Variants in DNMBP observed in about 807,000 individuals in gnomAD.
DNMBP encodes the protein dynamin binding protein.
A neutral mutation model predicts 150.0 loss-of-function variants in DNMBP; 87 were observed. The observed-to-expected ratio is 0.58, with a 90% CI of 0.49 to 0.69. The LOEUF (loss-of-function observed/expected upper bound fraction) is 0.69, where lower values mean the gene tolerates loss of function less well. Among genes scored for constraint, DNMBP ranks in the 30% least tolerant of loss-of-function variants. The pLI is 0.00. For missense variants in DNMBP, 1,774 were observed against 1,949.0 expected (o/e 0.91, Z 1.69); for synonymous variants, 711 against 750.4 (o/e 0.95, Z 0.86).
rs961627979 is a variant in DNMBP, at chr10:99,898,187, G to A, written c.2819C>T (p.Thr940Ile). The stretch of plus-strand genomic sequence containing the variant: ...CACTTTATCTGGGTGGGATTCTGGG[G>A]TGGAATTCAGCAACTCCATTAGCAA... Reference protein sequence around the residue: ...PLLLMELLNSTPESHPDKVPL... With the variant: ...PLLLMELLNSIPESHPDKVPL... Residue 940 changes from threonine (T) to isoleucine (I), a missense_variant, in exon 9 of 17, where the codon ACC (threonine) becomes ATC (isoleucine). Transcript: ENST00000324109. The A allele has an allele frequency of 6.2e-7, 1 of 1,613,950 alleles. No individual in the cohort carries two copies. Among genetic ancestry groups the A allele is most frequent in the African/African-American group, 1.3e-5 (1 of 74,998 alleles).
chr10:99,906,133 G>A (rs1359618785), intron 6 of DNMBP, among the ~76,000 whole-genome samples: 1 of 152,088 alleles, frequency 6.6e-6, no homozygotes, highest in Admixed American at 6.6e-5. Context: ...TCCCTTCAGG[G>A]GGCAGAACCC....
chr10:99,965,551 G>A (rs1304078189), intron 3 of DNMBP, among the ~76,000 whole-genome samples: 1 of 141,488 alleles, frequency 7.1e-6, no homozygotes, highest in Non-Finnish European at 1.5e-5. Flanking sequence ...AGGCTGGACT[G>A]CAGTGGCGCA....
chr10:99,887,061 C>T (rs2039478306), intron 12 of DNMBP, among the ~76,000 whole-genome samples: 1 of 151,946 alleles, frequency 6.6e-6, no homozygotes, highest in Non-Finnish European at 1.5e-5. Context: ...TTCATACACT[C>T]ATAAACCTTT....
chr10:99,943,769 T>C (rs1413819928), intron 4 of DNMBP, among the ~76,000 whole-genome samples: 1 of 152,190 alleles, frequency 6.6e-6, no homozygotes, highest in Non-Finnish European at 1.5e-5. Context: ...CTTCTGCATA[T>C]AAAACAGTTA....
intron 1 of DNMBP, among the ~76,000 whole-genome samples, chr10:100,006,731 C>T (rs2041076088): frequency 6.6e-6 from 1 of 151,964 alleles, no homozygotes; most frequent in African/African-American, 2.4e-5. Context: ...CTTGCCACCC[C>T]TAACATGCCA....
intron 4 of DNMBP, among the ~76,000 whole-genome samples, chr10:99,952,926 A>T (rs905045946): frequency 1.3e-5 from 2 of 151,750 alleles, no homozygotes; most frequent in African/African-American, 2.4e-5. Context: ...CTATTCCTAG[A>T]CCCCCTGGGT....
intron 1 of DNMBP, among the ~76,000 whole-genome samples, chr10:99,982,851 G>A (rs564944657): frequency 4.0e-4 from 61 of 152,134 alleles, no homozygotes; most frequent in Non-Finnish European, 7.1e-4. Context: ...ACTCAGGGCG[G>A]GGGTATGGGG....
chr10:99,978,526 C>T (rs1338973425), intron 1 of DNMBP, among the ~76,000 whole-genome samples: 2 of 152,160 alleles, frequency 1.3e-5, no homozygotes, highest in African/African-American at 4.8e-5. Context: ...ACATTTCCCA[C>T]CAAACTCTGA....
At chr10:99,966,323 GC>G (rs1425016084) in intron 3 of DNMBP, among the ~76,000 whole-genome samples, 1 of 152,150 alleles carries the variant, frequency 6.6e-6, no homozygotes, top group East Asian at 1.9e-4. Flanking sequence ...GTATCCCCCT[GC>G]CCACATCCTC....
At chr10:99,938,036 T>C (rs1166999463) in intron 4 of DNMBP, among the ~76,000 whole-genome samples, 1 of 152,234 alleles carries the variant, frequency 6.6e-6, no homozygotes, top group Non-Finnish European at 1.5e-5. Flanking sequence ...ATGTGGACAT[T>C]AATGATTTCT....
At chr10:99,962,684 G>A (rs2040577839) in intron 3 of DNMBP, among the ~76,000 whole-genome samples, 1 of 151,892 alleles carries the variant, frequency 6.6e-6, no homozygotes, top group Non-Finnish European at 1.5e-5. Flanking sequence ...CTGGCCCTAA[G>A]GCCATCCATC....
chr10:99,969,090 G>C, intron 3 of DNMBP, 25 bp downstream of exon 3: 1 of 1,611,714 alleles, frequency 6.2e-7, no homozygotes, highest in Non-Finnish European at 8.5e-7. Context: ...ATTTCAAATA[G>C]TCTACTATTT....
rs573268608 is a variant in DNMBP at position 99,941,254 on chromosome 10, G to C, written c.2260+13960C>G. On this transcript the variant is annotated intron_variant, in intron 4 of 16. Transcript: ENST00000324109. ...CTCCTTGGCTGGTTGCTTCTTCTTTGCTGGCCCATCTCCCTTGTCTTCCAT... is the reference window on the plus strand; with the variant it reads ...CTCCTTGGCTGGTTGCTTCTTCTTTCCTGGCCCATCTCCCTTGTCTTCCAT... 5.9e-5 allele frequency among the ~76,000 whole-genome samples: 9 copies of C among 152,242 alleles called. No individual in the cohort carries two copies. The South Asian group carries it at 1.9e-3, about 32-fold the overall frequency.
intron 14 of DNMBP, among the ~76,000 whole-genome samples, chr10:99,884,588 A>G (rs2133198221): frequency 6.6e-6 from 1 of 152,300 alleles, no homozygotes; most frequent in East Asian, 1.9e-4. Context: ...CACCTGTGAA[A>G]GCAAGGAAGT....
At chr10:99,959,730 C>T (rs1032354964) in intron 3 of DNMBP, among the ~76,000 whole-genome samples, 2 of 151,542 alleles carry the variant, frequency 1.3e-5, no homozygotes, top group Admixed American at 1.3e-4. Flanking sequence ...GTGGTGAGCG[C>T]TATAGTCCCA....
chr10:99,945,599 C>A (rs2040347981), intron 4 of DNMBP, among the ~76,000 whole-genome samples: 1 of 152,170 alleles, frequency 6.6e-6, no homozygotes, highest in Non-Finnish European at 1.5e-5. Context: ...CAAAGTAAGT[C>A]CTTAGCAATT....
chr10:99,996,365 A>G (rs2040951647), intron 1 of DNMBP, among the ~76,000 whole-genome samples: 1 of 152,098 alleles, frequency 6.6e-6, no homozygotes, highest in Non-Finnish European at 1.5e-5. Flanking sequence ...TACTAAAAAT[A>G]AAAAATTGGC....
chr10:99,933,710 G>A (rs554723357), intron 4 of DNMBP, among the ~76,000 whole-genome samples: 1 of 152,288 alleles, frequency 6.6e-6, no homozygotes, highest in South Asian at 2.1e-4. Flanking sequence ...AGGGCCAGAG[G>A]GGGAAAAATC....
At chr10:99,934,452 T>G (rs2040201543) in intron 4 of DNMBP, among the ~76,000 whole-genome samples, 1 of 144,174 alleles carries the variant, frequency 6.9e-6, no homozygotes, top group Non-Finnish European at 1.5e-5. Flanking sequence ...ATTGGATAGT[T>G]GGAGAAGGGG....
Sources: gnomAD v4.1 joint callset for allele counts (sites outside exome capture counted in the v4.1 genomes callset) on GRCh38, gnomAD v4.1.1 for gene constraint, MANE v1.5 for transcripts, NCBI Gene and HGNC (gene_info 2026-07-23, HGNC 2026-07-21) for gene names.